Variants in CHRM3 observed in about 807,000 individuals in gnomAD.
CHRM3 encodes the protein cholinergic receptor muscarinic 3.
A neutral mutation model predicts 41.8 loss-of-function variants in CHRM3; 11 were observed. The observed-to-expected ratio is 0.26, with a 90% CI of 0.17 to 0.44. The LOEUF (loss-of-function observed/expected upper bound fraction) is 0.44, where lower values mean the gene tolerates loss of function less well. Ranked by LOEUF, CHRM3 falls within the 20% of genes least tolerant of loss-of-function variation. The probability of loss-of-function intolerance (pLI) is 1.00; values close to 1 mark genes in which losing one functional copy is unlikely to be tolerated. For missense variants in CHRM3, 571 were observed against 745.4 expected (o/e 0.77, Z 2.72); for synonymous variants, 297 against 301.4 (o/e 0.99, Z 0.15).
chr1:239,452,976 A>G (rs1234263792), intron 1 of CHRM3, among the ~76,000 whole-genome samples: 1 of 151,782 alleles, frequency 6.6e-6, no homozygotes, highest in African/African-American at 2.4e-5. Context: ...AATTTTTTGT[A>G]TTTTTAGTAG....
chr1:239,665,507 G>A (rs1364364750), intron 4 of CHRM3, among the ~76,000 whole-genome samples: 2 of 151,942 alleles, frequency 1.3e-5, no homozygotes, highest in Non-Finnish European at 2.9e-5. Flanking sequence ...TTACCTTTTG[G>A]TTTTTTTGGA....
chr1:239,803,423 C>T (rs183465633), intron 5 of CHRM3, among the ~76,000 whole-genome samples: 1 of 152,240 alleles, frequency 6.6e-6, no homozygotes, highest in African/African-American at 2.4e-5. Flanking sequence ...GCAAGTAGCT[C>T]CACTATCACA....
In CHRM3 at chr1:239,491,999, T is replaced by G. The variant is rs367739866; in HGVS notation, c.-520-710T>G. 1.3e-3 allele frequency among the ~76,000 whole-genome samples: 202 copies of G among 152,296 alleles called. 7 individuals are homozygous for G. The South Asian group carries it at 0.039, about 29-fold the overall frequency. On this transcript the variant is annotated intron_variant, in intron 1 of 6. Transcript: ENST00000676153. Reference sequence around the variant, plus strand: ...CAGTGTATGATGTGTATTAATTTATTTAATTCACAAGTTGGCTGTATGACG... The same window carrying G: ...CAGTGTATGATGTGTATTAATTTATGTAATTCACAAGTTGGCTGTATGACG...
At chr1:239,603,318 A>T (rs540481874) in intron 3 of CHRM3, among the ~76,000 whole-genome samples, 2 of 152,194 alleles carry the variant, frequency 1.3e-5, no homozygotes, top group Non-Finnish European at 2.9e-5. Context: ...TGGAATAGGT[A>T]GATAAAGCAA....
At chr1:239,860,514 T>A (rs899831650) in intron 6 of CHRM3, among the ~76,000 whole-genome samples, 7 of 152,296 alleles carry the variant, frequency 4.6e-5, no homozygotes, top group African/African-American at 1.7e-4. Flanking sequence ...GGTTTCAGAC[T>A]TTTTAGGATT....
chr1:239,900,907 G>A (rs1235681911), intron 6 of CHRM3, among the ~76,000 whole-genome samples: 1 of 152,152 alleles, frequency 6.6e-6, no homozygotes, highest in Non-Finnish European at 1.5e-5. Flanking sequence ...CCTCGAAGCT[G>A]CCTGTTGTGG....
At chr1:239,395,925 T>A (rs1025011027) in intron 1 of CHRM3, among the ~76,000 whole-genome samples, 1 of 152,174 alleles carries the variant, frequency 6.6e-6, no homozygotes, top group Non-Finnish European at 1.5e-5. Context: ...AGACTAAATG[T>A]CTCGCATCAG....
At chr1:239,732,891 A>ATC (rs35067321) in intron 5 of CHRM3, among the ~76,000 whole-genome samples, 3 of 144,524 alleles carry the variant, frequency 2.1e-5, no homozygotes, top group African/African-American at 4.9e-5. Flanking sequence ...TATATCTAAT[A>ATC]TCACTTAGAT....
At position 239,745,439 on chromosome 1, in the gene CHRM3, CA is replaced by C. The variant is rs113616910; in HGVS notation, c.-147+67163del. ...AAAGGTTGTATGCACCTTTTCCTGT[CA>C]AAAAAAAAAAATTTCCAAAGGGACC... is the stretch of plus-strand genomic sequence containing the variant. On this transcript the variant is annotated intron_variant, in intron 5 of 6. Transcript: ENST00000676153. Among the ~76,000 whole-genome samples, 494 of 143,306 alleles carry C rather than the reference CA, an allele frequency of 3.4e-3. 8 individuals are homozygous for C. The highest frequency in any genetic ancestry group is 0.01 in the African/African-American group (412 of 39,292). The allele number at this position is 143,306 out of a possible 152,430, so 94.0% of individuals were successfully genotyped here. A position where few individuals can be genotyped will look rare whatever the true frequency, so the allele number is the denominator to read the frequency against.
At chr1:239,538,591 T>A (rs560527429) in intron 2 of CHRM3, among the ~76,000 whole-genome samples, 17 of 152,334 alleles carry the variant, frequency 1.1e-4, no homozygotes, top group African/African-American at 4.1e-4. Flanking sequence ...ATCTACTGAT[T>A]TTTGTCTAGT....
intron 6 of CHRM3, among the ~76,000 whole-genome samples, chr1:239,866,106 G>A (rs999217472): frequency 2.6e-5 from 4 of 152,100 alleles, no homozygotes; most frequent in Admixed American, 6.5e-5. Flanking sequence ...GGCCGGGCAC[G>A]GTGGCTCACG....
At chr1:239,859,330 G>T (rs916226659) in intron 6 of CHRM3, among the ~76,000 whole-genome samples, 2 of 151,488 alleles carry the variant, frequency 1.3e-5, no homozygotes, top group African/African-American at 4.8e-5. Flanking sequence ...TCTCACTGTG[G>T]TTTTTGACTT....
At chr1:239,477,333 A>G (rs1397771743) in intron 1 of CHRM3, among the ~76,000 whole-genome samples, 1 of 152,210 alleles carries the variant, frequency 6.6e-6, no homozygotes, top group Non-Finnish European at 1.5e-5. Context: ...TGCCTAGGGA[A>G]CTTCCAATTT....
chr1:239,859,734 A>T (rs189392549), intron 6 of CHRM3, among the ~76,000 whole-genome samples: 25 of 150,650 alleles, frequency 1.7e-4, no homozygotes, highest in African/African-American at 5.6e-4. Flanking sequence ...TTTTAAATAA[A>T]GATTTATTGA....
intron 4 of CHRM3, among the ~76,000 whole-genome samples, chr1:239,636,416 C>T (rs1458440055): frequency 6.6e-6 from 1 of 152,152 alleles, no homozygotes; most frequent in Non-Finnish European, 1.5e-5. Context: ...AGGGAATTGT[C>T]ACAGTGACTA....
At chr1:239,397,687 T>TTATA (rs35998550) in intron 1 of CHRM3, among the ~76,000 whole-genome samples, 1 of 144,422 alleles carries the variant, frequency 6.9e-6, no homozygotes, top group African/African-American at 2.5e-5. Flanking sequence ...ATACATGTAT[T>TTATA]TATATATATA....
At chr1:239,636,058 G>A (rs1178167647) in intron 4 of CHRM3, among the ~76,000 whole-genome samples, 3 of 152,154 alleles carry the variant, frequency 2.0e-5, no homozygotes, top group Non-Finnish European at 4.4e-5. Flanking sequence ...GGGTGGGACT[G>A]TTTCAGGGAT....
At chr1:239,855,266 A>C (rs1191260937) in intron 6 of CHRM3, among the ~76,000 whole-genome samples, 3 of 152,164 alleles carry the variant, frequency 2.0e-5, no homozygotes, top group Non-Finnish European at 4.4e-5. Flanking sequence ...AGCATTTCTT[A>C]GCTTTTGAGC....
chr1:239,889,376 C>G (rs911896455), intron 6 of CHRM3, among the ~76,000 whole-genome samples: 1 of 152,082 alleles, frequency 6.6e-6, no homozygotes, highest in Non-Finnish European at 1.5e-5. Flanking sequence ...GCCATGTTGT[C>G]CATCCCTCTG....
Sources: gnomAD v4.1 joint callset for allele counts (sites outside exome capture counted in the v4.1 genomes callset) on GRCh38, gnomAD v4.1.1 for gene constraint, MANE v1.5 for transcripts, NCBI Gene and HGNC (gene_info 2026-07-23, HGNC 2026-07-21) for gene names.